The following MED27 variants were observed in gnomAD, a reference collection of about 807,000 sequenced individuals.
The protein encoded by MED27 is mediator of RNA polymerase II transcription subunit 27.
MED27 carries 30 observed loss-of-function variants against 38.2 expected under a neutral mutation model. That is an observed-to-expected ratio of 0.79 (90% confidence interval 0.59 to 1.07). MED27 has a LOEUF of 1.07. MED27 is among the 50% of genes least tolerant of loss of function. MED27 has a pLI of 0.00. For synonymous variants in MED27, 122 were observed against 153.5 expected (o/e 0.79, Z 1.52); for missense variants, 289 against 397.5 (o/e 0.73, Z 2.32).
chr9:131,937,463 C>T (rs1830704536), intron 4 of MED27, among the ~76,000 whole-genome samples: 1 of 152,040 alleles, frequency 6.6e-6, no homozygotes, highest in Non-Finnish European at 1.5e-5. Flanking sequence ...TGAATTGAGC[C>T]CCTAAACTCT....
chr9:132,004,488 T>G (rs1832312829), intron 3 of MED27, among the ~76,000 whole-genome samples: 1 of 152,198 alleles, frequency 6.6e-6, no homozygotes, highest in Non-Finnish European at 1.5e-5. Flanking sequence ...ATATACCACT[T>G]TCCACATATC....
intron 3 of MED27, among the ~76,000 whole-genome samples, chr9:131,984,222 A>G (rs1831801895): frequency 6.6e-6 from 1 of 152,008 alleles, no homozygotes; most frequent in African/African-American, 2.4e-5. Flanking sequence ...GGCTCTTCAC[A>G]TCCGCCCCAC....
intron 3 of MED27, among the ~76,000 whole-genome samples, chr9:131,964,723 T>G (rs1831303970): frequency 1.3e-5 from 2 of 152,232 alleles, no homozygotes. Context: ...CGGTCTGTTT[T>G]AGAAAGTGGA....
Position 132,024,775 on chromosome 9 carries a change from C to T in MED27, c.349-10308G>A, listed in dbSNP as rs118152871. On this transcript the variant is annotated intron_variant, in intron 2 of 7. Coordinates refer to ENST00000292035, the MANE Select transcript of MED27 (RefSeq NM_004269.4). Reference sequence around the variant, plus strand: ...AAGTGCTCTAAATGAAAGGCAATCCCGAGGATTAGTTGGACAGCTCCTTCT... The same window carrying T: ...AAGTGCTCTAAATGAAAGGCAATCCTGAGGATTAGTTGGACAGCTCCTTCT... 3.0e-3 allele frequency among the ~76,000 whole-genome samples: 461 copies of T among 152,270 alleles called. 1 individual carries two copies. Among genetic ancestry groups the T allele is most frequent in the Non-Finnish European group, 4.9e-3 (330 of 68,022 alleles).
At chr9:131,970,190 A>G (rs1446939173) in intron 3 of MED27, among the ~76,000 whole-genome samples, 1 of 152,272 alleles carries the variant, frequency 6.6e-6, no homozygotes, top group Non-Finnish European at 1.5e-5. Flanking sequence ...AAGGGGCTGC[A>G]GAACCACCCA....
chr9:131,900,183 ATCGCC>A (rs1477644529), intron 4 of MED27, among the ~76,000 whole-genome samples: 1 of 152,196 alleles, frequency 6.6e-6, no homozygotes, highest in Non-Finnish European at 1.5e-5. Flanking sequence ...CCATCTGGCC[ATCGCC>A]TCCCAGAAGT....
At chr9:131,967,955 C>T (rs1831387511) in intron 3 of MED27, among the ~76,000 whole-genome samples, 1 of 150,748 alleles carries the variant, frequency 6.6e-6, no homozygotes, top group African/African-American at 2.4e-5. Flanking sequence ...TTAGCTGGGA[C>T]TACAGGCATC....
At chr9:131,886,554 C>T (rs191514770) in intron 5 of MED27, among the ~76,000 whole-genome samples, 82 of 152,310 alleles carry the variant, frequency 5.4e-4, no homozygotes, top group Non-Finnish European at 9.3e-4. Flanking sequence ...GTCAGTGCCC[C>T]CCACTGAAAC....
intron 3 of MED27, among the ~76,000 whole-genome samples, chr9:131,992,642 T>C (rs1832001772): frequency 6.6e-6 from 1 of 152,044 alleles, no homozygotes; most frequent in South Asian, 2.1e-4. Flanking sequence ...CCTCAAGCAA[T>C]CCTCCCGCCT....
rs146596864 is a variant in MED27 at position 131,923,821 on chromosome 9, T to G, written c.573+15560A>C. On this transcript the variant is annotated intron_variant, in intron 4 of 7. Transcript: ENST00000292035. Reference sequence around the variant, plus strand: ...TGTTTCCCCAGTAGAAATGAGCAGATAAGGGTATTTTATATCTCCCTTTTT... The same window carrying G: ...TGTTTCCCCAGTAGAAATGAGCAGAGAAGGGTATTTTATATCTCCCTTTTT... Among the ~76,000 whole-genome samples, 112 of 152,348 alleles carry G rather than the reference T, an allele frequency of 7.4e-4. 1 individual carries two copies. Among genetic ancestry groups the G allele is most frequent in the African/African-American group, 2.6e-3 (108 of 41,574 alleles).
intron 3 of MED27, among the ~76,000 whole-genome samples, chr9:131,940,874 C>G (rs1006582304): frequency 6.6e-6 from 1 of 152,146 alleles, no homozygotes; most frequent in Non-Finnish European, 1.5e-5. Context: ...ATTCTTATAC[C>G]CAGATGAAAC....
chr9:131,981,063 T>G (rs1564310723), intron 3 of MED27, among the ~76,000 whole-genome samples: 2 of 152,196 alleles, frequency 1.3e-5, no homozygotes, highest in Admixed American at 6.5e-5. Context: ...TGGATGATGG[T>G]ATCATTTCTT....
intron 4 of MED27, 44 bp from the exon 5 acceptor site, chr9:131,894,036 A>C: frequency 1.3e-6 from 2 of 1,509,302 alleles, no homozygotes; most frequent in Non-Finnish European, 1.8e-6. Context: ...CGCAAATCAC[A>C]CAAAGTTGGG....
chr9:131,965,612 T>C (rs761038482), intron 3 of MED27, among the ~76,000 whole-genome samples: 6 of 152,204 alleles, frequency 3.9e-5, no homozygotes, highest in Non-Finnish European at 8.8e-5. Flanking sequence ...CTGTCACTTA[T>C]GGTTCAGAGC....
At chr9:132,073,430 T>C (rs759881737) in intron 2 of MED27, 7 of 1,102,620 alleles carry the variant, frequency 6.3e-6, no homozygotes, top group Non-Finnish European at 7.7e-6. Context: ...GCCTTGCTAG[T>C]TGCTGGGGAC....
intron 2 of MED27, chr9:132,032,098 T>A (rs1832975773): frequency 6.6e-6 from 1 of 152,142 alleles, no homozygotes; most frequent in Admixed American, 6.5e-5. Context: ...TGGCCGCTGC[T>A]AGCTGCATGC....
intron 2 of MED27, among the ~76,000 whole-genome samples, chr9:132,023,540 G>T (rs1001050929): frequency 2.0e-5 from 3 of 152,096 alleles, no homozygotes; most frequent in African/African-American, 7.2e-5. Flanking sequence ...TCTGCTTTAA[G>T]CACCATTTTC....
At chr9:132,072,497 C>T (rs1026510794) in intron 2 of MED27, among the ~76,000 whole-genome samples, 6 of 152,090 alleles carry the variant, frequency 3.9e-5, no homozygotes, top group Non-Finnish European at 7.4e-5. Flanking sequence ...AGGAGACTGG[C>T]TGTATTTCAT....
intron 6 of MED27, chr9:131,869,462 G>A (rs1182582651): frequency 5.0e-5 from 48 of 950,562 alleles, no homozygotes; most frequent in Non-Finnish European, 6.0e-5. Flanking sequence ...CGGTCCCATT[G>A]TGCGGCAAAG....
Sources: gnomAD v4.1 joint callset for allele counts (sites outside exome capture counted in the v4.1 genomes callset) on GRCh38, gnomAD v4.1.1 for gene constraint, MANE v1.5 for transcripts, NCBI Gene and HGNC (gene_info 2026-07-23, HGNC 2026-07-21) for gene names.